ZNF365: variants seen among roughly 807,000 people sequenced by gnomAD.
The protein encoded by ZNF365 is zinc finger protein 365.
ZNF365 carries 22 observed loss-of-function variants against 35.0 expected under a neutral mutation model. The ratio of observed to expected loss-of-function variants is 0.63; its 90% CI spans 0.45 to 0.90. The LOEUF (loss-of-function observed/expected upper bound fraction) is 0.90. Among genes scored for constraint, ZNF365 ranks in the 40% least tolerant of loss-of-function variants. The probability of loss-of-function intolerance (pLI) is 0.00; values close to 1 mark genes in which losing one functional copy is unlikely to be tolerated. For missense variants in ZNF365, 448 were observed against 500.3 expected (o/e 0.90, Z 1.00); for synonymous variants, 188 against 196.2 (o/e 0.96, Z 0.35).
At chr10:62,475,672 C>A (rs951853198) in intron 4 of ZNF365, among the ~76,000 whole-genome samples, 3 of 152,102 alleles carry the variant, frequency 2.0e-5, no homozygotes, top group African/African-American at 7.2e-5. Context: ...TAGGAAATGC[C>A]CCACGTTCTT....
Position 62,400,506 on chromosome 10 carries a change from C to G in ZNF365, c.*717C>G, listed in dbSNP as rs78777159. On this transcript the variant is annotated 3_prime_UTR_variant, in exon 5 of 5. Transcript: ENST00000395254. ...GGCTGAGTATTCTGCACCCACAGACCATGCTGCCAGCCTCTATCTTAATAG... is the reference window on the plus strand; with the variant it reads ...GGCTGAGTATTCTGCACCCACAGACGATGCTGCCAGCCTCTATCTTAATAG... 4.3e-3 allele frequency: 4,241 copies of G among 985,986 alleles called. 35 individuals are homozygous for G. The highest frequency in any genetic ancestry group is 0.026 in the African/African-American group (1,478 of 57,324). The allele number at this position is 985,986 out of a possible 1,614,324, so 61.1% of individuals were successfully genotyped here.
downstream of ZNF365, among the ~76,000 whole-genome samples, chr10:62,403,300 G>A (rs1050190019): frequency 6.6e-5 from 10 of 152,142 alleles, no homozygotes; most frequent in South Asian, 2.1e-4. Flanking sequence ...ACGTTGGGTG[G>A]GCTGAGGAGG....
At chr10:62,393,425 T>G (rs1240281484) in intron 3 of ZNF365, among the ~76,000 whole-genome samples, 1 of 152,208 alleles carries the variant, frequency 6.6e-6, no homozygotes, top group Non-Finnish European at 1.5e-5. Context: ...CACAAACAAT[T>G]CATTGTGCTA....
At chr10:62,390,033 C>T (rs1013746537) in intron 3 of ZNF365, among the ~76,000 whole-genome samples, 1 of 152,002 alleles carries the variant, frequency 6.6e-6, no homozygotes, top group Non-Finnish European at 1.5e-5. Flanking sequence ...CTCTTTCTGC[C>T]GTCTTCTTTC....
At chr10:62,470,943 CTT>C (rs1841023127) in intron 4 of ZNF365, among the ~76,000 whole-genome samples, 1 of 149,258 alleles carries the variant, frequency 6.7e-6, no homozygotes, top group Non-Finnish European at 1.5e-5. Flanking sequence ...GTTTTAACCT[CTT>C]ATATACCTTC....
chr10:62,402,453 T>C (rs1839844566), downstream of ZNF365: 1 of 985,086 alleles, frequency 1.0e-6, no homozygotes, highest in South Asian at 4.7e-5. Flanking sequence ...CTGACTAATG[T>C]GTTGATATGT....
intron 3 of ZNF365, among the ~76,000 whole-genome samples, chr10:62,458,769 A>G (rs1231049655): frequency 6.6e-6 from 1 of 152,200 alleles, no homozygotes; most frequent in Non-Finnish European, 1.5e-5. Flanking sequence ...AGATGATACG[A>G]TCTGTTACAC....
chr10:62,396,617 G>A (rs2132426116), intron 3 of ZNF365, among the ~76,000 whole-genome samples: 1 of 152,320 alleles, frequency 6.6e-6, no homozygotes, highest in South Asian at 2.1e-4. Flanking sequence ...TGAGGTCCCA[G>A]CAGGGCCCAT....
At chr10:62,393,880 ATACGTTGCCC>A (rs1564571909) in intron 3 of ZNF365, among the ~76,000 whole-genome samples, 2 of 152,050 alleles carry the variant, frequency 1.3e-5, no homozygotes, top group African/African-American at 4.8e-5. Context: ...TGGAGGGAGG[ATACGTTGCCC>A]TAGGAAGACC....
At chr10:62,382,371 G>C in intron 2 of ZNF365, among the ~76,000 whole-genome samples, 1 of 152,130 alleles carries the variant, frequency 6.6e-6, no homozygotes, top group Non-Finnish European at 1.5e-5. Context: ...CATATAAATG[G>C]GGTCCTCTCT....
chr10:62,444,042 G>C (rs1840544943), intron 3 of ZNF365, among the ~76,000 whole-genome samples: 1 of 152,156 alleles, frequency 6.6e-6, no homozygotes, highest in African/African-American at 2.4e-5. Flanking sequence ...TCAAGGATTA[G>C]GCAATCCCTC....
At chr10:62,425,326 C>T (rs1002553849) in intron 3 of ZNF365, among the ~76,000 whole-genome samples, 5 of 151,962 alleles carry the variant, frequency 3.3e-5, no homozygotes, top group Non-Finnish European at 5.9e-5. Flanking sequence ...AAATATATGA[C>T]ATATATAAAA....
chr10:62,428,998 G>A (rs904279843), intron 3 of ZNF365, among the ~76,000 whole-genome samples: 9 of 152,154 alleles, frequency 5.9e-5, no homozygotes, highest in Non-Finnish European at 7.3e-5. Context: ...TGAGAGGCAC[G>A]CAGTAGGCAC....
intron 3 of ZNF365, among the ~76,000 whole-genome samples, chr10:62,455,416 A>C (rs760628355): frequency 6.6e-6 from 1 of 152,192 alleles, no homozygotes; most frequent in Non-Finnish European, 1.5e-5. Context: ...TAAAAGTAAA[A>C]ACTTTTTTTT....
chr10:62,442,416 T>C (rs1373867002), intron 3 of ZNF365, among the ~76,000 whole-genome samples: 1 of 152,196 alleles, frequency 6.6e-6, no homozygotes, highest in Non-Finnish European at 1.5e-5. Context: ...TCAAACTACA[T>C]TCTTTAATTA....
intron 3 of ZNF365, among the ~76,000 whole-genome samples, chr10:62,421,980 T>C (rs923541053): frequency 6.6e-5 from 10 of 152,224 alleles, no homozygotes; most frequent in Admixed American, 3.3e-4. Flanking sequence ...TCCTCTTATC[T>C]GCAAGGTACT....
At chr10:62,434,145 A>T (rs1383070866) in intron 3 of ZNF365, among the ~76,000 whole-genome samples, 5 of 152,210 alleles carry the variant, frequency 3.3e-5, no homozygotes, top group Admixed American at 1.3e-4. Context: ...GTGAGGCCTG[A>T]GAATTGATAT....
intron 3 of ZNF365, among the ~76,000 whole-genome samples, chr10:62,411,489 T>G (rs1305625612): frequency 1.3e-5 from 2 of 152,210 alleles, no homozygotes; most frequent in Non-Finnish European, 1.5e-5. Flanking sequence ...TCCAGTTTTC[T>G]GCATGTGGCT....
chr10:62,450,882 C>T (rs182042513), intron 3 of ZNF365, among the ~76,000 whole-genome samples: 1 of 152,302 alleles, frequency 6.6e-6, no homozygotes, highest in East Asian at 1.9e-4. Flanking sequence ...TGAACCTATT[C>T]CCCTGACATA....
Sources: gnomAD v4.1 joint callset for allele counts (sites outside exome capture counted in the v4.1 genomes callset) on GRCh38, gnomAD v4.1.1 for gene constraint, MANE v1.5 for transcripts, NCBI Gene and HGNC (gene_info 2026-07-23, HGNC 2026-07-21) for gene names.